Variants in ANKH observed in about 807,000 individuals in gnomAD.
The protein encoded by ANKH is mineralization regulator ANKH.
Under a neutral mutation model 49.0 loss-of-function variants are expected in ANKH, and 15 were observed. The observed-to-expected ratio is 0.31, with a 90% CI of 0.20 to 0.47. The LOEUF is 0.47. Ranked by LOEUF, ANKH falls within the 20% of genes least tolerant of loss-of-function variation. The pLI is 1.00. For missense variants in ANKH, 429 were observed against 652.0 expected, an observed-to-expected ratio of 0.66 and a Z score of 3.72; for synonymous variants, 273 against 260.0, an observed-to-expected ratio of 1.05 and a Z score of -0.48.
chr5:14,766,475 T>C (rs1294387802), intron 2 of ANKH, among the ~76,000 whole-genome samples: 1 of 152,158 alleles, frequency 6.6e-6, no homozygotes, highest in Non-Finnish European at 1.5e-5. Flanking sequence ...AAGAAATGAC[T>C]CAATCCATGA....
intron 1 of ANKH, among the ~76,000 whole-genome samples, chr5:14,834,237 T>C (rs201472768): frequency 6.6e-6 from 1 of 151,910 alleles, no homozygotes; most frequent in African/African-American, 2.4e-5. Context: ...GACCTCAGTT[T>C]CCCATCTGTA....
At chr5:14,782,493 AC>A (rs1217735064) in intron 1 of ANKH, among the ~76,000 whole-genome samples, 1 of 152,186 alleles carries the variant, frequency 6.6e-6, no homozygotes, top group African/African-American at 2.4e-5. Context: ...AAAACCCTTT[AC>A]TTTGAATTAG....
intron 1 of ANKH, among the ~76,000 whole-genome samples, chr5:14,830,650 T>A (rs575956746): frequency 1.3e-5 from 2 of 152,298 alleles, no homozygotes; most frequent in Admixed American, 6.5e-5. Flanking sequence ...CAAGTCCGAC[T>A]AAGATAGCAC....
At chr5:14,811,882 C>G (rs1740892495) in intron 1 of ANKH, among the ~76,000 whole-genome samples, 1 of 152,086 alleles carries the variant, frequency 6.6e-6, no homozygotes. Flanking sequence ...TTATTCAGTT[C>G]TTCTACTCTT....
At chr5:14,743,187 G>A (rs1738419409) in intron 7 of ANKH, among the ~76,000 whole-genome samples, 1 of 152,182 alleles carries the variant, frequency 6.6e-6, no homozygotes, top group African/African-American at 2.4e-5. Flanking sequence ...ACTGCTCTAT[G>A]GCAAAGTACA....
intron 1 of ANKH, among the ~76,000 whole-genome samples, chr5:14,838,209 A>C (rs540870482): frequency 2.0e-5 from 3 of 152,190 alleles, no homozygotes; most frequent in Admixed American, 2.0e-4. Flanking sequence ...ACATGTATAC[A>C]TATGTCACAA....
chr5:14,793,037 A>ATATATATATAAATATATATATATAAAT (rs1554006446), intron 1 of ANKH, among the ~76,000 whole-genome samples: 1 of 56,228 alleles, frequency 1.8e-5, no homozygotes, highest in Non-Finnish European at 3.3e-5. Flanking sequence ...TATATATAAA[A>ATATATATATAAATATATATATATAAAT]ATATATATAT....
intron 1 of ANKH, among the ~76,000 whole-genome samples, chr5:14,796,399 G>A (rs1304794280): frequency 1.3e-5 from 2 of 148,722 alleles, no homozygotes; most frequent in African/African-American, 5.0e-5. Context: ...CAATCTACCT[G>A]TGGTATACCT....
chr5:14,724,581 CT>C, intron 8 of ANKH: 1 of 985,426 alleles, frequency 1.0e-6, no homozygotes, highest in Non-Finnish European at 1.2e-6. Context: ...CGAAACAGAG[CT>C]TGGTTTTCTG....
chr5:14,795,822 C>T (rs1367421864), intron 1 of ANKH, among the ~76,000 whole-genome samples: 1 of 151,260 alleles, frequency 6.6e-6, no homozygotes, highest in Non-Finnish European at 1.5e-5. Flanking sequence ...TACACCACTG[C>T]ACTCCATCCT....
chr5:14,749,061 T>G, intron 6 of ANKH, 111 bp downstream of exon 6: 1 of 1,473,576 alleles, frequency 6.8e-7, no homozygotes, highest in South Asian at 1.1e-5. Flanking sequence ...TGTCATGTAA[T>G]TTAATATTGG....
At chr5:14,724,331 C>CAAT (rs1737758998) in intron 8 of ANKH, among the ~76,000 whole-genome samples, 1 of 151,762 alleles carries the variant, frequency 6.6e-6, no homozygotes, top group South Asian at 2.1e-4. Flanking sequence ...ACAACAACAA[C>CAAT]AACAAAATCA....
chr5:14,811,323 C>A (rs924805626), intron 1 of ANKH, among the ~76,000 whole-genome samples: 1 of 152,174 alleles, frequency 6.6e-6, no homozygotes, highest in Non-Finnish European at 1.5e-5. Flanking sequence ...GAAACCTGTG[C>A]GGTCTTAATA....
chr5:14,860,144 G>A (rs775202483), intron 1 of ANKH, among the ~76,000 whole-genome samples: 1 of 152,236 alleles, frequency 6.6e-6, no homozygotes, highest in African/African-American at 2.4e-5. Flanking sequence ...CCAGGCTCCA[G>A]GCCAGGTGTC....
intron 4 of ANKH, among the ~76,000 whole-genome samples, chr5:14,754,015 G>A (rs1252351745): frequency 1.3e-5 from 2 of 152,234 alleles, no homozygotes; most frequent in Non-Finnish European, 2.9e-5. Context: ...GAGGAAGCCT[G>A]AGGGTAAAAG....
At chr5:14,752,987 C>T (rs1738768333) in intron 4 of ANKH, among the ~76,000 whole-genome samples, 1 of 152,120 alleles carries the variant, frequency 6.6e-6, no homozygotes, top group Admixed American at 6.5e-5. Flanking sequence ...GTTAACATGG[C>T]AGACATGTGA....
chr5:14,725,600 G>T lies in ANKH; in HGVS notation c.1012-8765C>A, dbSNP rs757446726. On this transcript the variant is annotated intron_variant, in intron 8 of 11. Transcript: ENST00000284268. This position sits in a 1 kb window ranked among gnomAD's most constrained non-coding sequence, Gnocchi z 4.0. The stretch of plus-strand genomic sequence containing the variant: ...TGTGATCCACGGATGTCACCTGTGA[G>T]TATTCCAGAAGGTTTCCTGGGACCG... 2.0e-4 allele frequency among the ~76,000 whole-genome samples: 30 copies of T among 152,350 alleles called. No homozygotes were observed. Among genetic ancestry groups the T allele is most frequent in the Middle Eastern group, 3.4e-3 (1 of 294 alleles).
chr5:14,739,490 C>T (rs964096472), intron 8 of ANKH, among the ~76,000 whole-genome samples: 7 of 152,120 alleles, frequency 4.6e-5, no homozygotes, highest in African/African-American at 1.7e-4. Flanking sequence ...CTCCTTTAGC[C>T]AAGATGTTGG....
At chr5:14,868,936 AT>A (rs1735737729) in intron 1 of ANKH, 1 of 152,140 alleles carries the variant, frequency 6.6e-6, no homozygotes. Context: ...CTGAGGCTGC[AT>A]TGGCCTTTGT....
Sources: gnomAD v4.1 joint callset for allele counts (sites outside exome capture counted in the v4.1 genomes callset) on GRCh38, gnomAD v4.1.1 for gene constraint, Gnocchi (gnomAD v3.1) non-coding constraint, MANE v1.5 for transcripts, NCBI Gene and HGNC (gene_info 2026-07-23, HGNC 2026-07-21) for gene names.